The following EDDM13 variants were observed in gnomAD, a reference collection of about 807,000 sequenced individuals.
The protein encoded by EDDM13 is epididymal protein 13.
A neutral mutation model predicts 17.8 loss-of-function variants in EDDM13; 24 were observed. The ratio of observed to expected loss-of-function variants is 1.35; its 90% CI spans 0.98 to 1.90. The LOEUF (loss-of-function observed/expected upper bound fraction) is 1.90. Ranked by LOEUF, EDDM13 falls within the 40% of genes most tolerant of loss-of-function variation. EDDM13 has a pLI of 0.00. For missense variants in EDDM13, 97 were observed against 100.8 expected (o/e 0.96, Z 0.16); for synonymous variants, 31 against 37.5 (o/e 0.83, Z 0.63).
chr19:56,297,286 C>T (rs1247527719), intron 11 of EDDM13, among the ~76,000 whole-genome samples: 1 of 152,058 alleles, frequency 6.6e-6, no homozygotes, highest in Non-Finnish European at 1.5e-5. Context: ...CACCTGGAAG[C>T]ACTATTTAGA....
intron 4 of EDDM13, chr19:56,283,400 A>G (rs561373309): frequency 1.2e-4 from 19 of 152,288 alleles, no homozygotes; most frequent in African/African-American, 4.6e-4. Context: ...CAATATCTCC[A>G]TTTTAAAGAG....
chr19:56,283,705 C>T (rs80272177), intron 4 of EDDM13: 1 of 152,268 alleles, frequency 6.6e-6, no homozygotes, highest in East Asian at 1.9e-4. Context: ...GTTTGAGTTC[C>T]TGCTTTTTCA....
chr19:56,300,853 A>G (rs1292668884), intron 12 of EDDM13, among the ~76,000 whole-genome samples: 2 of 152,232 alleles, frequency 1.3e-5, no homozygotes, highest in Non-Finnish European at 2.9e-5. Context: ...TAAAAAGACA[A>G]GGGAAAAATG....
chr19:56,300,530 G>A (rs1371411953), intron 12 of EDDM13, among the ~76,000 whole-genome samples: 4 of 152,206 alleles, frequency 2.6e-5, no homozygotes, highest in Non-Finnish European at 5.9e-5. Flanking sequence ...AAGATGTTTC[G>A]AGGTCCTTGA....
chr19:56,282,426 A>G, intron 3 of EDDM13, 65 bp from the exon 4 acceptor site: 1 of 946,450 alleles, frequency 1.1e-6, no homozygotes, highest in Non-Finnish European at 1.3e-6. Flanking sequence ...CTGAACCTTC[A>G]TTGGCAATAT....
rs985922811 is a variant in EDDM13, at chr19:56,304,840, G to A, written c.461+10G>A. The A allele has an allele frequency of 3.2e-5, 31 of 982,386 alleles. No individual in the cohort carries two copies. Among genetic ancestry groups the A allele is most frequent in the Middle Eastern group, 5.2e-4 (1 of 1,932 alleles). The allele number at this position is 982,386 out of a possible 1,614,324, so 60.9% of individuals were successfully genotyped here. A position where few individuals can be genotyped will look rare whatever the true frequency, so the allele number is the denominator to read the frequency against. On this transcript the variant is annotated intron_variant, in intron 14 of 14. Transcript: ENST00000649256. ...TGGAACTGGACATCAGGTATGCTAT[G>A]GCAGGGAAGTGGGCTTTTCCCACCG...
rs140459427 is a variant in EDDM13, at chr19:56,289,779, A to G, written c.226+888A>G. 1.1e-3 allele frequency among the ~76,000 whole-genome samples: 169 copies of G among 152,148 alleles called. 3 individuals carry two copies. The South Asian group carries it at 0.021, about 19-fold the overall frequency. ...CAGGTGCACACCACCATACCCAGCT[A>G]ATATTTTACATTTTTGTAGAGACAG... On this transcript the variant is annotated intron_variant, in intron 8 of 14. Transcript: ENST00000649256.
chr19:56,281,912 C>G (rs960844015), intron 3 of EDDM13, among the ~76,000 whole-genome samples: 2 of 152,184 alleles, frequency 1.3e-5, no homozygotes, highest in South Asian at 2.1e-4. Context: ...AGGAGGCCAA[C>G]AAGCCTCTGT....
intron 4 of EDDM13, chr19:56,283,040 G>C (rs1156635920): frequency 6.6e-6 from 1 of 152,204 alleles, no homozygotes; most frequent in Non-Finnish European, 1.5e-5. Context: ...AGGCACCTTT[G>C]CATTCGGAGC....
intron 2 of EDDM13, among the ~76,000 whole-genome samples, chr19:56,277,331 A>G (rs917298506): frequency 1.3e-5 from 2 of 152,230 alleles, no homozygotes; most frequent in African/African-American, 4.8e-5. Flanking sequence ...GTCTATGCAT[A>G]CAATGGAATA....
chr19:56,285,441 T>C (rs531919702), intron 6 of EDDM13, among the ~76,000 whole-genome samples: 19 of 152,234 alleles, frequency 1.2e-4, no homozygotes, highest in Admixed American at 1.2e-3. Flanking sequence ...AAGTACTATG[T>C]GTTTTAGTGA....
At chr19:56,293,539 G>C (rs1194491949) in intron 9 of EDDM13, among the ~76,000 whole-genome samples, 1 of 152,128 alleles carries the variant, frequency 6.6e-6, no homozygotes, top group Non-Finnish European at 1.5e-5. Context: ...TGTGGGCGCC[G>C]GTCCTGACTG....
At chr19:56,291,547 C>T (rs1359969550) in intron 9 of EDDM13, among the ~76,000 whole-genome samples, 1 of 152,020 alleles carries the variant, frequency 6.6e-6, no homozygotes, top group Non-Finnish European at 1.5e-5. Context: ...CTTTTCCTCT[C>T]CTCTCCTTCC....
intron 9 of EDDM13, among the ~76,000 whole-genome samples, chr19:56,295,329 C>T (rs1400565071): frequency 6.6e-6 from 1 of 152,120 alleles, no homozygotes; most frequent in Non-Finnish European, 1.5e-5. Context: ...CATGGTAGCT[C>T]ACACCTGTAA....
chr19:56,284,960 C>CTT (rs2038995098), intron 5 of EDDM13, 38 bp from the exon 6 acceptor site: 74 of 974,344 alleles, frequency 7.6e-5, no homozygotes, highest in Non-Finnish European at 8.7e-5. Context: ...TTTCTTTCTG[C>CTT]TGCATTTGCA....
intron 2 of EDDM13, among the ~76,000 whole-genome samples, chr19:56,279,174 A>C (rs2038489234): frequency 6.6e-6 from 1 of 152,126 alleles, no homozygotes; most frequent in African/African-American, 2.4e-5. Flanking sequence ...ATCAACCATC[A>C]CATCCCCTGA....
At chr19:56,296,234 G>A (rs544236623) in intron 10 of EDDM13, 102 bp from the exon 11 acceptor site, 18 of 152,616 alleles carry the variant, frequency 1.2e-4, no homozygotes, top group African/African-American at 4.3e-4. Context: ...AGGGCTTCTC[G>A]GAGGAGGAGT....
At chr19:56,273,461 T>G (rs4801698) in intron 1 of EDDM13, among the ~76,000 whole-genome samples, 19,395 of 96,484 alleles carry the variant, frequency 0.2, 1,620 homozygotes, top group Non-Finnish European at 0.32. Context: ...GGGAATATAG[T>G]GATGAAAATA....
chr19:56,285,119 T>C, intron 6 of EDDM13, 95 bp downstream of exon 6: 5 of 525,586 alleles, frequency 9.5e-6, no homozygotes, highest in Non-Finnish European at 1.2e-5. Context: ...AGGTAGAGTC[T>C]AAAGAACACT....
Sources: allele counts gnomAD v4.1 joint callset (sites outside exome capture counted in the v4.1 genomes callset), GRCh38; gene constraint gnomAD v4.1.1; transcripts MANE v1.5; gene names NCBI Gene and HGNC (gene_info 2026-07-23, HGNC 2026-07-21).